The following TTC28 variants were observed in gnomAD, a reference collection of about 807,000 sequenced individuals.
TTC28 encodes the protein tetratricopeptide repeat domain 28, also known as tetratricopeptide repeat protein 28.
A neutral mutation model predicts 198.0 loss-of-function variants in TTC28; 61 were observed. The ratio of observed to expected loss-of-function variants is 0.31; its 90% confidence interval spans 0.25 to 0.38. The LOEUF (loss-of-function observed/expected upper bound fraction) is 0.38, where lower values mean the gene tolerates loss of function less well. Ranked by LOEUF, TTC28 falls within the 10% of genes least tolerant of loss-of-function variation. TTC28 has a pLI of 1.00. For missense variants in TTC28, 2,678 were observed against 3,164.0 expected, an observed-to-expected ratio of 0.85 and a Z score of 3.69; for synonymous variants, 1,171 against 1,297.8, an observed-to-expected ratio of 0.90 and a Z score of 2.10.
At chr22:28,369,692 G>A (rs1180989407) in intron 2 of TTC28, among the ~76,000 whole-genome samples, 10 of 151,896 alleles carry the variant, frequency 6.6e-5, no homozygotes, top group South Asian at 4.2e-4. Context: ...TATAATAAAC[G>A]TTTACAGAAG....
At chr22:28,285,368 C>T (rs890656033) in intron 5 of TTC28, among the ~76,000 whole-genome samples, 7 of 152,114 alleles carry the variant, frequency 4.6e-5, no homozygotes, top group African/African-American at 9.7e-5. Context: ...TCAAACTCAT[C>T]GAAGCAGAGA....
At chr22:28,627,010 G>C (rs928714222) in intron 2 of TTC28, among the ~76,000 whole-genome samples, 3 of 151,898 alleles carry the variant, frequency 2.0e-5, no homozygotes, top group East Asian at 1.9e-4. Flanking sequence ...ACAAATATAG[G>C]AAAAACACAA....
intron 5 of TTC28, among the ~76,000 whole-genome samples, chr22:28,202,452 G>A (rs1368578223): frequency 1.1e-4 from 16 of 151,618 alleles, no homozygotes; most frequent in Admixed American, 9.9e-4. Flanking sequence ...CAGGAGAATC[G>A]CTTGAATCTG....
intron 1 of TTC28, among the ~76,000 whole-genome samples, chr22:28,675,735 T>TCACTCGCGCACACA (rs1555910098): frequency 5.2e-5 from 7 of 135,118 alleles, no homozygotes; most frequent in African/African-American, 1.7e-4. Context: ...TGAAACCCTG[T>TCACTCGCGCACACA]CACACACACA....
At chr22:28,551,871 T>C (rs1338509345) in intron 2 of TTC28, among the ~76,000 whole-genome samples, 1 of 152,160 alleles carries the variant, frequency 6.6e-6, no homozygotes, top group Non-Finnish European at 1.5e-5. Context: ...CCGGAAGTCC[T>C]AGCGAGAGCA....
At chr22:28,098,857 C>T (rs914817139) in intron 10 of TTC28, 58 bp downstream of exon 10, 17 of 1,523,284 alleles carry the variant, frequency 1.1e-5, no homozygotes, top group Admixed American at 4.3e-5. Flanking sequence ...GACACATGGA[C>T]GCGCACCCGT....
At chr22:28,545,550 G>T (rs909874084) in intron 2 of TTC28, among the ~76,000 whole-genome samples, 3 of 152,030 alleles carry the variant, frequency 2.0e-5, no homozygotes, top group Admixed American at 6.6e-5. Flanking sequence ...CTCTTCTCTA[G>T]CCCAGGTGAC....
chr22:28,245,889 T>G (rs1930055855), intron 5 of TTC28, among the ~76,000 whole-genome samples: 1 of 152,138 alleles, frequency 6.6e-6, no homozygotes, highest in Non-Finnish European at 1.5e-5. Context: ...AATCAAAGAG[T>G]GACAGTAAAT....
chr22:28,530,667 G>A (rs940360514), intron 2 of TTC28, among the ~76,000 whole-genome samples: 14 of 152,136 alleles, frequency 9.2e-5, no homozygotes, highest in South Asian at 2.1e-4. Context: ...GAGAAAGGTC[G>A]GGTTGCCCAC....
chr22:28,073,423 G>A, intron 12 of TTC28, among the ~76,000 whole-genome samples: 1 of 152,156 alleles, frequency 6.6e-6, no homozygotes, highest in East Asian at 1.9e-4. Context: ...TGGAGCAAAA[G>A]GAAGATGAGA....
intron 5 of TTC28, among the ~76,000 whole-genome samples, chr22:28,203,915 G>A (rs1455333104): frequency 6.6e-6 from 1 of 152,092 alleles, no homozygotes; most frequent in Middle Eastern, 3.2e-3. Context: ...TTATGTTATT[G>A]TTATGTTAAA....
chr22:28,481,635 T>G (rs2048248177), intron 2 of TTC28, among the ~76,000 whole-genome samples: 1 of 152,228 alleles, frequency 6.6e-6, no homozygotes, highest in Admixed American at 6.5e-5. Flanking sequence ...AGATGAGAAT[T>G]AGAAATTTGT....
chr22:28,091,123 A>C (rs1941801193), intron 12 of TTC28, among the ~76,000 whole-genome samples: 1 of 152,226 alleles, frequency 6.6e-6, no homozygotes, highest in South Asian at 2.1e-4. Flanking sequence ...CTCTCTCTCT[A>C]CCTTTGATGA....
At chr22:28,228,952 C>G (rs1409449951) in intron 5 of TTC28, among the ~76,000 whole-genome samples, 1 of 151,838 alleles carries the variant, frequency 6.6e-6, no homozygotes, top group Non-Finnish European at 1.5e-5. Flanking sequence ...GTCAGGAGAT[C>G]GAGACCATCC....
intron 5 of TTC28, among the ~76,000 whole-genome samples, chr22:28,254,897 T>C (rs922023353): frequency 8.5e-5 from 13 of 152,110 alleles, no homozygotes; most frequent in Admixed American, 2.6e-4. Flanking sequence ...AGGAAAACTA[T>C]CCCTGGAAAA....
intron 12 of TTC28, among the ~76,000 whole-genome samples, chr22:28,040,794 T>C (rs1430672291): frequency 6.6e-6 from 1 of 152,210 alleles, no homozygotes; most frequent in Non-Finnish European, 1.5e-5. Context: ...GGAAGTCAAA[T>C]TGTCTCTGTT....
chr22:28,323,939 AG>A (rs984571881), intron 2 of TTC28, among the ~76,000 whole-genome samples: 40 of 152,352 alleles, frequency 2.6e-4, no homozygotes, highest in African/African-American at 8.9e-4. Flanking sequence ...GAAACCTTAC[AG>A]GCCAAGAGAA....
At chr22:28,112,065 C>T in intron 6 of TTC28, among the ~76,000 whole-genome samples, 1 of 152,130 alleles carries the variant, frequency 6.6e-6, no homozygotes, top group East Asian at 1.9e-4. Context: ...CTTTGAGACA[C>T]TCAATACCTC....
intron 5 of TTC28, among the ~76,000 whole-genome samples, chr22:28,164,683 A>G: frequency 6.6e-6 from 1 of 152,194 alleles, no homozygotes; most frequent in Admixed American, 6.5e-5. Flanking sequence ...TAAAACCACA[A>G]AGATGGGGAA....
Sources: gnomAD v4.1 joint callset for allele counts (sites outside exome capture counted in the v4.1 genomes callset) on GRCh38, gnomAD v4.1.1 for gene constraint, MANE v1.5 for transcripts, NCBI Gene and HGNC (gene_info 2026-07-23, HGNC 2026-07-21) for gene names.